The following ABCB11 variants were observed in gnomAD, a reference collection of about 807,000 sequenced individuals.
ABCB11 encodes bile salt export pump.
A neutral mutation model predicts 148.0 loss-of-function variants in ABCB11; 95 were observed. The ratio of observed to expected loss-of-function variants is 0.64; its 90% CI spans 0.54 to 0.76. The LOEUF is 0.76. ABCB11 is among the 30% of genes least tolerant of loss of function. The pLI is 0.00. For missense variants in ABCB11, 1,523 were observed against 1,617.8 expected (o/e 0.94, Z 1.01); for synonymous variants, 591 against 555.4 (o/e 1.06, Z -0.90).
chr2:168,916,428 G>A (rs930743034), downstream of ABCB11, among the ~76,000 whole-genome samples: 1 of 152,130 alleles, frequency 6.6e-6, no homozygotes, highest in Non-Finnish European at 1.5e-5. Context: ...TTGAGTAGTT[G>A]CATTCGGATA....
chr2:168,960,915 T>G (rs193064151), intron 18 of ABCB11, among the ~76,000 whole-genome samples: 2 of 151,816 alleles, frequency 1.3e-5, no homozygotes, highest in Non-Finnish European at 3.0e-5. Flanking sequence ...ATTATAAAAT[T>G]TATATGTGTT....
chr2:168,955,454 G>C (rs1191077546), intron 19 of ABCB11, among the ~76,000 whole-genome samples: 1 of 151,558 alleles, frequency 6.6e-6, no homozygotes, highest in African/African-American at 2.4e-5. Flanking sequence ...AAGAGTGAAG[G>C]GGGAAGCGCT....
chr2:168,964,541 A>G (rs970361900), intron 17 of ABCB11, among the ~76,000 whole-genome samples: 1 of 151,762 alleles, frequency 6.6e-6, no homozygotes, highest in African/African-American at 2.4e-5. Flanking sequence ...ACCCAGATTC[A>G]GAGTGTAGTC....
At chr2:168,959,015 C>CA (rs1692930886) in intron 18 of ABCB11, among the ~76,000 whole-genome samples, 2 of 151,752 alleles carry the variant, frequency 1.3e-5, no homozygotes, top group Non-Finnish European at 3.0e-5. Flanking sequence ...GACTATAAAG[C>CA]TTAATTAGTG....
chr2:168,944,838 G>A lies in ABCB11; in HGVS notation c.2448+19C>T. ...AGGAAAAATAACTAAATCACTTACT[G>A]AAAAATAACATTTCTTACCTGTAGA... On this transcript the variant is annotated intron_variant, in intron 20 of 27. Coordinates refer to ENST00000650372, the MANE Select transcript of ABCB11 (RefSeq NM_003742.4). 1 of 1,603,030 alleles carries A rather than the reference G, an allele frequency of 6.2e-7. No homozygotes were observed.
intron 25 of ABCB11, among the ~76,000 whole-genome samples, chr2:168,928,167 A>G (rs1691398797): frequency 6.6e-6 from 1 of 152,202 alleles, no homozygotes. Flanking sequence ...AAAAGCAAAC[A>G]CTATTAGAAA....
intron 3 of ABCB11, among the ~76,000 whole-genome samples, 190 bp from the exon 4 acceptor site, chr2:169,014,544 G>T (rs1322604145): frequency 2.0e-5 from 3 of 152,226 alleles, no homozygotes; most frequent in East Asian, 3.9e-4. Flanking sequence ...AGAGATTTCA[G>T]TATAGCTCAA....
At chr2:168,946,856 G>A (rs913328324) in intron 19 of ABCB11, among the ~76,000 whole-genome samples, 2 of 151,330 alleles carry the variant, frequency 1.3e-5, no homozygotes, top group Non-Finnish European at 1.5e-5. Flanking sequence ...TTAGCTTTTT[G>A]TATTACTTAC....
chr2:168,980,802 G>A (rs948772504), intron 10 of ABCB11, among the ~76,000 whole-genome samples: 6 of 152,076 alleles, frequency 3.9e-5, no homozygotes, highest in African/African-American at 1.4e-4. Context: ...TTAGGGGAAG[G>A]CTACCTGATC....
chr2:168,965,176 G>C (rs937082592), intron 17 of ABCB11, among the ~76,000 whole-genome samples: 10 of 151,792 alleles, frequency 6.6e-5, no homozygotes, highest in Non-Finnish European at 1.5e-4. Flanking sequence ...CTATAGAAAA[G>C]AGCATTTCTG....
chr2:168,964,671 ATTTCC>A (rs1273206916), intron 17 of ABCB11, among the ~76,000 whole-genome samples: 1 of 151,722 alleles, frequency 6.6e-6, no homozygotes, highest in Non-Finnish European at 1.5e-5. Context: ...GCAACAGTCT[ATTTCC>A]TTTACTTTCC....
At chr2:168,928,156 A>G (rs1235019149) in intron 25 of ABCB11, among the ~76,000 whole-genome samples, 1 of 152,212 alleles carries the variant, frequency 6.6e-6, no homozygotes, top group Non-Finnish European at 1.5e-5. Context: ...TAAGTAATGG[A>G]AAAAGCAAAC....
chr2:168,957,900 G>A (rs1243913036), intron 19 of ABCB11, 64 bp downstream of exon 19: 2 of 1,333,334 alleles, frequency 1.5e-6, no homozygotes, highest in African/African-American at 2.9e-5. Flanking sequence ...ACAAAGAGCG[G>A]ACTTATCAAA....
At chr2:168,942,222 C>CATATTA (rs3084063) in intron 21 of ABCB11, among the ~76,000 whole-genome samples, 75,678 of 150,726 alleles carry the variant, frequency 0.5, 19,671 homozygotes, top group South Asian at 0.66. Flanking sequence ...GATAGTGGGA[C>CATATTA]ATATAACTAT....
chr2:168,941,042 C>A (rs115184853), intron 21 of ABCB11, among the ~76,000 whole-genome samples: 4 of 152,042 alleles, frequency 2.6e-5, no homozygotes, highest in African/African-American at 9.7e-5. Flanking sequence ...GGTGCTCTGA[C>A]GGAGATGTAC....
At chr2:168,989,281 C>A (rs746787847) in intron 9 of ABCB11, among the ~76,000 whole-genome samples, 7 of 152,004 alleles carry the variant, frequency 4.6e-5, no homozygotes, top group South Asian at 2.1e-4. Context: ...AACTTTAATC[C>A]ATTTTGAGTT....
At chr2:168,973,244 C>A (rs1468791525) in intron 13 of ABCB11, among the ~76,000 whole-genome samples, 1 of 151,922 alleles carries the variant, frequency 6.6e-6, no homozygotes, top group Non-Finnish European at 1.5e-5. Context: ...AGAAATGTGT[C>A]CTTAGGTGGT....
At chr2:169,020,178 T>C (rs576747773) in intron 1 of ABCB11, among the ~76,000 whole-genome samples, 1 of 152,324 alleles carries the variant, frequency 6.6e-6, no homozygotes, top group South Asian at 2.1e-4. Flanking sequence ...GTTAAGTTCA[T>C]TGTTATGACA....
At chr2:168,993,405 C>T (rs1694605768) in intron 8 of ABCB11, among the ~76,000 whole-genome samples, 1 of 152,010 alleles carries the variant, frequency 6.6e-6, no homozygotes, top group Non-Finnish European at 1.5e-5. Context: ...TGTTAGTGCT[C>T]ACTTTATAAG....
Sources: gnomAD v4.1 joint callset for allele counts (sites outside exome capture counted in the v4.1 genomes callset) on GRCh38, gnomAD v4.1.1 for gene constraint, MANE v1.5 for transcripts, NCBI Gene and HGNC (gene_info 2026-07-23, HGNC 2026-07-21) for gene names.